CPN1: variants seen among roughly 807,000 people sequenced by gnomAD.
CPN1 encodes the protein carboxypeptidase N catalytic chain.
In CPN1, 37 loss-of-function variants were observed where a neutral mutation model predicts 46.4. That is an observed-to-expected ratio of 0.80 (90% CI 0.61 to 1.05). The LOEUF (loss-of-function observed/expected upper bound fraction) is 1.05, where lower values mean the gene tolerates loss of function less well. Among genes scored for constraint, CPN1 ranks in the 50% least tolerant of loss-of-function variants. CPN1 has a pLI of 0.00. For missense variants in CPN1, 563 were observed against 602.6 expected, an observed-to-expected ratio of 0.93 and a Z score of 0.69; for synonymous variants, 224 against 235.4, an observed-to-expected ratio of 0.95 and a Z score of 0.44.
intron 3 of CPN1, among the ~76,000 whole-genome samples, chr10:100,065,816 T>A (rs2041451718): frequency 6.6e-6 from 1 of 150,848 alleles, no homozygotes; most frequent in Admixed American, 6.6e-5. Context: ...TGGGGTGGGA[T>A]GTTGATGGTG....
At chr10:100,071,559 A>G (rs1589478319) in intron 2 of CPN1, among the ~76,000 whole-genome samples, 1 of 151,904 alleles carries the variant, frequency 6.6e-6, no homozygotes, top group East Asian at 1.9e-4. Context: ...ATTCTAGGTG[A>G]CCTCATCTCA....
intron 5 of CPN1, among the ~76,000 whole-genome samples, chr10:100,062,357 C>T (rs2041424501): frequency 6.6e-6 from 1 of 152,120 alleles, no homozygotes; most frequent in African/African-American, 2.4e-5. Flanking sequence ...TTATCAATGG[C>T]CAATGTCCAT....
chr10:100,081,635 C>T lies in CPN1; in HGVS notation c.-10G>A. ...AGAGCAGGTCTGACATCTTGCTGGG[C>T]TTTTTCAAAGAGAGCCACTGAAACG... On this transcript the variant is annotated 5_prime_UTR_variant, in exon 1 of 9. Coordinates refer to ENST00000370418, the MANE Select transcript of CPN1 (RefSeq NM_001308.3). The T allele has an allele frequency of 1.2e-6, 2 of 1,613,264 alleles. No individual in the cohort carries two copies. The highest frequency in any genetic ancestry group is 1.7e-6 in the Non-Finnish European group (2 of 1,179,422).
chr10:100,048,770 C>T lies in CPN1; in HGVS notation c.1218G>A (p.Ala406=), dbSNP rs140999407. Residue 406 remains alanine, a synonymous_variant, in exon 8 of 9, where the codon GCG becomes GCA. Transcript: ENST00000370418. ...CAGCCTAACTCACCAACGTTGGTTC[C>T]GCAGGACCCACGGTCACAGTTACTG... The part of the protein sequence containing the change: ...PETVTVTVGP[A]EPTLVNFHLK... The T allele has an allele frequency of 8.1e-6, 13 of 1,612,266 alleles. No individual in the cohort carries two copies. Among genetic ancestry groups the T allele is most frequent in the African/African-American group, 6.7e-5 (5 of 74,864 alleles).
Position 100,081,601 on chromosome 10 carries a change from G to T in CPN1, c.25C>A (p.Leu9Ile). The T allele has an allele frequency of 6.2e-7, 1 of 1,614,176 alleles. No individual in the cohort carries two copies. Among genetic ancestry groups the T allele is most frequent in the Non-Finnish European group, 8.5e-7 (1 of 1,180,034 alleles). Residue 9 changes from leucine to isoleucine, a missense_variant, in exon 1 of 9, where the codon CTC becomes ATC. Leu to Ile is a conservative substitution (Grantham distance 5). Transcript: ENST00000370418. ...AACTTGAAGAGAAGGAGGAGGTGGA[G>T]GAAGACTGAGAGCAGGTCTGACATC... is the stretch of plus-strand genomic sequence containing the variant. The part of the protein sequence containing the change: MSDLLSVF[L>I]HLLLLFKLVA...
intron 2 of CPN1, 131 bp from the exon 3 acceptor site, chr10:100,070,000 G>T: frequency 9.9e-7 from 1 of 1,015,174 alleles, no homozygotes; most frequent in Non-Finnish European, 1.5e-6. Flanking sequence ...TTGGCTTACT[G>T]CAACCTCTAC....
In CPN1 at chr10:100,081,596, G is replaced by T; in HGVS notation, c.30C>A (p.His10Gln). Residue 10 changes from histidine to glutamine, a missense_variant, in exon 1 of 9, where the codon CAC (histidine) becomes CAA (glutamine). Transcript: ENST00000370418. ...CAACCAACTTGAAGAGAAGGAGGAG[G>T]TGGAGGAAGACTGAGAGCAGGTCTG... is the stretch of plus-strand genomic sequence containing the variant. The part of the protein sequence containing the change: MSDLLSVFL[H>Q]LLLLFKLVAP... The T allele has an allele frequency of 1.2e-6, 2 of 1,614,188 alleles. No homozygotes were observed. The highest frequency in any genetic ancestry group is 8.5e-7 in the Non-Finnish European group (1 of 1,180,036).
At chr10:100,046,400 A>G (rs2041312333) in intron 8 of CPN1, among the ~76,000 whole-genome samples, 1 of 152,228 alleles carries the variant, frequency 6.6e-6, no homozygotes, top group Admixed American at 6.5e-5. Context: ...TGAACTCAGG[A>G]GTTCAAGGCT....
At chr10:100,048,992 T>C in intron 7 of CPN1, 116 bp from the exon 8 acceptor site, 1 of 732,834 alleles carries the variant, frequency 1.4e-6, no homozygotes. Context: ...GGGGTCTTGC[T>C]CTGTCACCCA....
chr10:100,048,982 G>A (rs562026458), intron 7 of CPN1, 106 bp from the exon 8 acceptor site: 14 of 829,668 alleles, frequency 1.7e-5, no homozygotes, highest in Admixed American at 3.7e-5. Flanking sequence ...TTTTTGAGAC[G>A]GGGTCTTGCT....
At position 100,042,233 on chromosome 10, in the gene CPN1, C is replaced by T; in HGVS notation, c.*194G>A. The stretch of plus-strand genomic sequence containing the variant: ...GCCACCACACCCGGCCACCACATCA[C>T]CTTTCAATAGATCCTAATTTTTTTC... On this transcript the variant is annotated 3_prime_UTR_variant, in exon 9 of 9. Transcript: ENST00000370418. The T allele has an allele frequency of 2.8e-6, 2 of 715,644 alleles. No individual in the cohort carries two copies. The highest frequency in any genetic ancestry group is 3.4e-5 in the South Asian group (2 of 58,444). 44.3% of individuals were successfully genotyped at this position (715,644 alleles called of 1,614,324 possible).
At chr10:100,060,690 C>T (rs2041411615) in intron 5 of CPN1, among the ~76,000 whole-genome samples, 1 of 152,164 alleles carries the variant, frequency 6.6e-6, no homozygotes, top group African/African-American at 2.4e-5. Context: ...TTGGCTCTCT[C>T]CAAATAGTAT....
intron 1 of CPN1, among the ~76,000 whole-genome samples, chr10:100,077,872 T>A (rs890003371): frequency 2.0e-5 from 3 of 152,166 alleles, no homozygotes; most frequent in Admixed American, 6.5e-5. Flanking sequence ...AGATCTGTTT[T>A]AGTTCCCTCC....
chr10:100,044,016 G>C (rs1333923281), intron 8 of CPN1, among the ~76,000 whole-genome samples: 1 of 152,088 alleles, frequency 6.6e-6, no homozygotes, highest in Non-Finnish European at 1.5e-5. Context: ...CACTCCTCTG[G>C]GGCAGGCCTG....
At chr10:100,051,545 T>C (rs2041353585) in intron 7 of CPN1, among the ~76,000 whole-genome samples, 1 of 152,080 alleles carries the variant, frequency 6.6e-6, no homozygotes. Flanking sequence ...TTTTTTTTTT[T>C]GAGATGGAGT....
chr10:100,074,592 T>C (rs1191495285), intron 2 of CPN1, among the ~76,000 whole-genome samples: 1 of 152,110 alleles, frequency 6.6e-6, no homozygotes. Flanking sequence ...ATTTTTTGTA[T>C]ATTTAGTAGA....
intron 2 of CPN1, among the ~76,000 whole-genome samples, chr10:100,073,961 C>G (rs1312326532): frequency 6.6e-6 from 1 of 152,106 alleles, no homozygotes; most frequent in Admixed American, 6.6e-5. Flanking sequence ...CTTCAGAGCT[C>G]TCTCTGACTG....
chr10:100,066,705 T>C (rs1285302318), intron 3 of CPN1, among the ~76,000 whole-genome samples: 1 of 152,260 alleles, frequency 6.6e-6, no homozygotes, highest in Non-Finnish European at 1.5e-5. Flanking sequence ...AGAGATTATG[T>C]AGTGTTACTG....
At chr10:100,055,711 A>G (rs899253621) in intron 6 of CPN1, among the ~76,000 whole-genome samples, 1 of 152,094 alleles carries the variant, frequency 6.6e-6, no homozygotes, top group South Asian at 2.1e-4. Flanking sequence ...TTTAGTAAAG[A>G]CAGGGTTTCT....
Sources: allele counts gnomAD v4.1 joint callset (sites outside exome capture counted in the v4.1 genomes callset), GRCh38; gene constraint gnomAD v4.1.1; transcripts MANE v1.5; gene names NCBI Gene and HGNC (gene_info 2026-07-23, HGNC 2026-07-21).